ZNF324B: variants seen among roughly 807,000 people sequenced by gnomAD.
The protein encoded by ZNF324B is zinc finger protein 324B.
A neutral mutation model predicts 10.6 loss-of-function variants in ZNF324B; 7 were observed. The ratio of observed to expected loss-of-function variants is 0.66; its 90% CI spans 0.38 to 1.24. The LOEUF (loss-of-function observed/expected upper bound fraction) is 1.24. Ranked by LOEUF, ZNF324B falls within the 50% of genes most tolerant of loss-of-function variation. The probability of loss-of-function intolerance (pLI) is 0.02; values close to 1 mark genes in which losing one functional copy is unlikely to be tolerated. For missense variants in ZNF324B, 640 were observed against 764.7 expected (o/e 0.84, Z 1.92); for synonymous variants, 316 against 321.0 (o/e 0.98, Z 0.17).
chr19:58,439,840 A>G, the ZNF324B span: 1 of 1,537,172 alleles, frequency 6.5e-7, no homozygotes, highest in Non-Finnish European at 8.8e-7. Context: ...GCCCAGGGCT[A>G]GCCCTGCCGC....
the ZNF324B span, among the ~76,000 whole-genome samples, chr19:58,446,575 T>C: frequency 2.2e-3 from 67 of 30,658 alleles, no homozygotes; most frequent in African/African-American, 9.4e-3. Context: ...TTCTTTCTCT[T>C]TTTTTTTTTT....
intron 3 of ZNF324B, chr19:58,454,950 G>T (rs1035876883): frequency 3.0e-6 from 2 of 674,734 alleles, no homozygotes; most frequent in Admixed American, 2.2e-5. Flanking sequence ...CACATCCTGG[G>T]TGTCTGGGGG....
the ZNF324B span, chr19:58,434,937 G>C: frequency 4.3e-6 from 7 of 1,614,098 alleles, no homozygotes; most frequent in South Asian, 1.1e-5. Context: ...ACCATCTAAA[G>C]GGCTTCCCTC....
the ZNF324B span, chr19:58,445,145 C>A: frequency 3.5e-6 from 1 of 282,666 alleles, no homozygotes; most frequent in Non-Finnish European, 6.8e-6. Flanking sequence ...AAATTAACAC[C>A]GGAAAATGGT....
the ZNF324B span, chr19:58,429,325 C>T: frequency 6.6e-6 from 1 of 152,294 alleles, no homozygotes; most frequent in Admixed American, 6.5e-5. Context: ...ACAGATCATT[C>T]CTAAGTGTCA....
At chr19:58,435,879 A>T in the ZNF324B span, among the ~76,000 whole-genome samples, 2 of 152,232 alleles carry the variant, frequency 1.3e-5, no homozygotes, top group African/African-American at 2.4e-5. Flanking sequence ...TAGACGGATT[A>T]TAGGCACCTT....
At chr19:58,453,394 G>A in intron 1 of ZNF324B, 4 of 480,856 alleles carry the variant, frequency 8.3e-6, no homozygotes, top group South Asian at 8.3e-5. Flanking sequence ...GTCATGCTGA[G>A]TCACGAGTGG....
the ZNF324B span, among the ~76,000 whole-genome samples, chr19:58,421,458 G>A: frequency 6.6e-6 from 1 of 152,054 alleles, no homozygotes; most frequent in South Asian, 2.1e-4. Context: ...GTGCAGTGGT[G>A]CAGTCTTGGC....
chr19:58,451,639 G>A lies in ZNF324B; in HGVS notation c.-72G>A, dbSNP rs1218945346. On this transcript the variant is annotated 5_prime_UTR_variant, in exon 1 of 4. Transcript: ENST00000336614. Reference sequence around the variant, plus strand: ...TTGGGACTGTCACTTGGCTGCTCGCGTCAGGCCACACCGGTGGTCTGGGCT... The same window carrying A: ...TTGGGACTGTCACTTGGCTGCTCGCATCAGGCCACACCGGTGGTCTGGGCT... 2 of 517,110 alleles carry A rather than the reference G, an allele frequency of 3.9e-6. No individual in the cohort carries two copies. Among genetic ancestry groups the A allele is most frequent in the Non-Finnish European group, 7.7e-6 (2 of 259,004 alleles). 32.0% of individuals were successfully genotyped at this position (517,110 alleles called of 1,614,324 possible). A position where few individuals can be genotyped will look rare whatever the true frequency, so the allele number is the denominator to read the frequency against.
At chr19:58,444,416 C>T in the ZNF324B span, 2 of 152,254 alleles carry the variant, frequency 1.3e-5, no homozygotes, top group African/African-American at 4.8e-5. Flanking sequence ...AGGAGGAGCG[C>T]TTGAGACCAG....
chr19:58,434,967 C>T, the ZNF324B span: 3 of 1,614,192 alleles, frequency 1.9e-6, no homozygotes, highest in Admixed American at 5.0e-5. Flanking sequence ...CCTTCTGGTG[C>T]TGGTGAAGGT....
intron 3 of ZNF324B, chr19:58,454,961 C>T (rs773023613): frequency 5.7e-6 from 4 of 699,618 alleles, no homozygotes; most frequent in Non-Finnish European, 1.0e-5. Flanking sequence ...TGTCTGGGGG[C>T]TGCCGCCTTG....
At chr19:58,445,355 G>A in the ZNF324B span, 2 of 509,164 alleles carry the variant, frequency 3.9e-6, no homozygotes, top group South Asian at 1.4e-5. Flanking sequence ...CTGCCTTGAT[G>A]TGCACAAAGT....
the ZNF324B span, among the ~76,000 whole-genome samples, chr19:58,423,681 T>C: frequency 6.6e-6 from 1 of 152,142 alleles, no homozygotes; most frequent in Admixed American, 6.6e-5. Flanking sequence ...ATTACAAGGC[T>C]ATAGTGACCA....
Position 58,454,615 on chromosome 19 carries a change from TA to T in ZNF324B, c.238+272del. The T allele has an allele frequency of 7.1e-6, 4 of 562,342 alleles. 1 individual carries two copies. The South Asian group carries it at 1.0e-4, about 14-fold the overall frequency. The allele number at this position is 562,342 out of a possible 1,614,324, so 34.8% of individuals were successfully genotyped here. A position where few individuals can be genotyped will look rare whatever the true frequency, so the allele number is the denominator to read the frequency against. ...CTCCACAACTAGCAGCCATTATTGATAGGTATTTATTTCGCCCATCATTTAT... is the reference window on the plus strand; with the variant it reads ...CTCCACAACTAGCAGCCATTATTGATGGTATTTATTTCGCCCATCATTTAT... On this transcript the variant is annotated intron_variant, in intron 3 of 3. Coordinates refer to ENST00000336614, the MANE Select transcript of ZNF324B (RefSeq NM_207395.3).
the ZNF324B span, chr19:58,440,093 T>C: frequency 8.3e-6 from 4 of 482,672 alleles, no homozygotes; most frequent in African/African-American, 2.1e-5. Flanking sequence ...TCCCGTGCCC[T>C]GGTGTGGCTC....
At chr19:58,440,238 C>T in the ZNF324B span, 1,166 of 254,526 alleles carry the variant, frequency 4.6e-3, 15 homozygotes, top group African/African-American at 0.025. Flanking sequence ...TCCCCGCCGT[C>T]TATGACGCTA....
the ZNF324B span, chr19:58,430,292 C>T: frequency 6.6e-6 from 1 of 152,282 alleles, no homozygotes; most frequent in Non-Finnish European, 1.5e-5. Flanking sequence ...TGATGTTAGC[C>T]TTGTGAGAAA....
At chr19:58,440,624 C>T in the ZNF324B span, 1 of 152,306 alleles carries the variant, frequency 6.6e-6, no homozygotes, top group Non-Finnish European at 1.5e-5. Context: ...CATACAAGCG[C>T]CCCCACCGCG....
Sources: gnomAD v4.1 joint callset for allele counts (sites outside exome capture counted in the v4.1 genomes callset) on GRCh38, gnomAD v4.1.1 for gene constraint, MANE v1.5 for transcripts, NCBI Gene and HGNC (gene_info 2026-07-23, HGNC 2026-07-21) for gene names.